RUNDC3B: variants seen among roughly 807,000 people sequenced by gnomAD.
The protein encoded by RUNDC3B is RUN domain containing 3B.
In RUNDC3B, 33 loss-of-function variants were observed where a neutral mutation model predicts 58.4. The ratio of observed to expected loss-of-function variants is 0.56; its 90% CI spans 0.43 to 0.75. The LOEUF (loss-of-function observed/expected upper bound fraction) is 0.75, where lower values mean the gene tolerates loss of function less well. Among genes scored for constraint, RUNDC3B ranks in the 30% least tolerant of loss-of-function variants. RUNDC3B has a pLI of 0.00. For synonymous variants in RUNDC3B, 193 were observed against 195.2 expected (o/e 0.99, Z 0.10); for missense variants, 501 against 535.7 (o/e 0.94, Z 0.64).
intron 6 of RUNDC3B, among the ~76,000 whole-genome samples, chr7:87,744,810 T>G (rs1458256557): frequency 6.6e-6 from 1 of 152,204 alleles, no homozygotes; most frequent in Non-Finnish European, 1.5e-5. Flanking sequence ...TGCTCTTTAT[T>G]TCTTTCTCCT....
chr7:87,674,061 A>G (rs1362609128), intron 2 of RUNDC3B, among the ~76,000 whole-genome samples: 1 of 152,068 alleles, frequency 6.6e-6, no homozygotes, highest in African/African-American at 2.4e-5. Flanking sequence ...CTGGCCCCTC[A>G]AGGTTAGGAA....
chr7:87,795,277 T>C (rs554291417), intron 8 of RUNDC3B, among the ~76,000 whole-genome samples: 1 of 151,974 alleles, frequency 6.6e-6, no homozygotes, highest in Non-Finnish European at 1.5e-5. Flanking sequence ...AACAACTCAA[T>C]AGGAAAAAAA....
chr7:87,660,856 A>G (rs1360798437), intron 2 of RUNDC3B, among the ~76,000 whole-genome samples: 1 of 151,872 alleles, frequency 6.6e-6, no homozygotes, highest in African/African-American at 2.4e-5. Flanking sequence ...TGTTTCTGAA[A>G]ATAGGAGATT....
At chr7:87,808,819 A>T (rs1836566692) in intron 9 of RUNDC3B, among the ~76,000 whole-genome samples, 1 of 152,016 alleles carries the variant, frequency 6.6e-6, no homozygotes, top group Non-Finnish European at 1.5e-5. Flanking sequence ...TCTATTTTTA[A>T]TTTATGATTG....
intron 1 of RUNDC3B, among the ~76,000 whole-genome samples, chr7:87,641,855 A>G (rs1822491728): frequency 6.6e-6 from 1 of 152,226 alleles, no homozygotes; most frequent in African/African-American, 2.4e-5. Context: ...AAAGATTCAT[A>G]TTTAACATTA....
chr7:87,777,726 A>C, intron 7 of RUNDC3B, 72 bp from the exon 8 acceptor site: 1 of 1,198,154 alleles, frequency 8.3e-7, no homozygotes, highest in Non-Finnish European at 1.2e-6. Context: ...CATTTAAGCT[A>C]CTCAGCATTT....
intron 8 of RUNDC3B, among the ~76,000 whole-genome samples, chr7:87,792,271 CTT>C (rs1410738158): frequency 6.6e-6 from 1 of 152,058 alleles, no homozygotes; most frequent in Non-Finnish European, 1.5e-5. Context: ...TAGCTGGAGA[CTT>C]TAACACCCCA....
chr7:87,813,120 T>C (rs569968594), intron 9 of RUNDC3B, among the ~76,000 whole-genome samples: 2 of 152,370 alleles, frequency 1.3e-5, no homozygotes, highest in Non-Finnish European at 2.9e-5. Context: ...TTGTAATGTT[T>C]ATTATTGCTT....
chr7:87,636,397 C>T (rs187451214), intron 1 of RUNDC3B, among the ~76,000 whole-genome samples: 1 of 152,276 alleles, frequency 6.6e-6, no homozygotes, highest in African/African-American at 2.4e-5. Flanking sequence ...CAATTCAAGT[C>T]ACTTAGCAAC....
chr7:87,805,670 T>C, intron 8 of RUNDC3B, among the ~76,000 whole-genome samples: 1 of 152,202 alleles, frequency 6.6e-6, no homozygotes, highest in East Asian at 1.9e-4. Flanking sequence ...ATATTCTAAA[T>C]TGGAGGTTGT....
chr7:87,739,947 T>G, intron 5 of RUNDC3B, 67 bp downstream of exon 5: 1 of 713,038 alleles, frequency 1.4e-6, no homozygotes. Flanking sequence ...TTATGATTTT[T>G]TTCTTTCAGT....
At chr7:87,741,958 G>A (rs1832350715) in intron 6 of RUNDC3B, among the ~76,000 whole-genome samples, 1 of 152,040 alleles carries the variant, frequency 6.6e-6, no homozygotes. Context: ...AACATTTTAT[G>A]CATATCAATT....
intron 6 of RUNDC3B, among the ~76,000 whole-genome samples, chr7:87,748,832 G>A (rs561666775): frequency 6.6e-6 from 1 of 152,194 alleles, no homozygotes; most frequent in Admixed American, 6.5e-5. Flanking sequence ...GAAGAATAGA[G>A]TGTAATGACA....
At position 87,676,328 on chromosome 7, in the gene RUNDC3B, A is replaced by G. The variant is rs1826351132; in HGVS notation, c.239-24093A>G. ...GAATGAGAGATAACATGTGTAAACC[A>G]TGTATCCAATAAGGTGTTAATATCC... On this transcript the variant is annotated intron_variant, in intron 2 of 10. Transcript: ENST00000394654. Among the ~76,000 whole-genome samples, 5 of 152,344 alleles carry G rather than the reference A, an allele frequency of 3.3e-5. No individual in the cohort carries two copies. In the South Asian group the frequency reaches 1.0e-3, roughly 32 times the overall value.
At chr7:87,717,978 C>T (rs1391209294) in intron 4 of RUNDC3B, among the ~76,000 whole-genome samples, 2 of 151,976 alleles carry the variant, frequency 1.3e-5, no homozygotes, top group Non-Finnish European at 1.5e-5. Flanking sequence ...GAAACTGATA[C>T]ATTTTGATCA....
intron 2 of RUNDC3B, among the ~76,000 whole-genome samples, chr7:87,657,381 C>T (rs77932118): frequency 0.01 from 1,566 of 152,206 alleles, 30 homozygotes; most frequent in African/African-American, 0.035. Flanking sequence ...ACTTTTCAGC[C>T]GTATCTGCTC....
chr7:87,740,877 A>G (rs1056065614), intron 5 of RUNDC3B, among the ~76,000 whole-genome samples: 5 of 152,134 alleles, frequency 3.3e-5, no homozygotes, highest in Non-Finnish European at 7.4e-5. Context: ...AATTTGTTAC[A>G]GTCTTGTTTT....
intron 8 of RUNDC3B, among the ~76,000 whole-genome samples, chr7:87,786,291 T>C (rs2130898069): frequency 6.6e-6 from 1 of 152,290 alleles, no homozygotes; most frequent in South Asian, 2.1e-4. Context: ...CTAAGTATCA[T>C]AGACTAAAAA....
chr7:87,783,140 AGT>A (rs148399735), intron 8 of RUNDC3B, among the ~76,000 whole-genome samples: 6 of 150,182 alleles, frequency 4.0e-5, no homozygotes, highest in Non-Finnish European at 7.5e-5. Flanking sequence ...CTCCAATGTC[AGT>A]GTGTGTGTGT....
Sources: allele counts gnomAD v4.1 joint callset (sites outside exome capture counted in the v4.1 genomes callset), GRCh38; gene constraint gnomAD v4.1.1; transcripts MANE v1.5; gene names NCBI Gene and HGNC (gene_info 2026-07-23, HGNC 2026-07-21).